The following TTLL3 variants were observed in gnomAD, a reference collection of about 807,000 sequenced individuals.
TTLL3 encodes the protein tubulin monoglycylase TTLL3.
In TTLL3, 63 loss-of-function variants were observed where a neutral mutation model predicts 75.2. The ratio of observed to expected loss-of-function variants is 0.84; its 90% CI spans 0.68 to 1.03. The LOEUF is 1.03. TTLL3 is among the 50% of genes least tolerant of loss of function. The pLI, the probability that TTLL3 is intolerant of heterozygous loss-of-function variation, is 0.00. For synonymous variants in TTLL3, 393 were observed against 418.5 expected (o/e 0.94, Z 0.74); for missense variants, 997 against 1,069.9 (o/e 0.93, Z 0.95).
At chr3:9,829,502 A>T (rs901090747) in intron 11 of TTLL3, 107 bp downstream of exon 11, 3 of 1,401,632 alleles carry the variant, frequency 2.1e-6, no homozygotes, top group East Asian at 4.9e-5. Context: ...TAAGACCCAG[A>T]TTCAAGTCCT....
intron 11 of TTLL3, among the ~76,000 whole-genome samples, chr3:9,831,300 A>G (rs2081508326): frequency 6.6e-6 from 1 of 151,992 alleles, no homozygotes; most frequent in African/African-American, 2.4e-5. Context: ...GATTTATCTG[A>G]TTGTTTCCTT....
chr3:9,818,455 G>A (rs528613206), intron 6 of TTLL3: 27 of 185,362 alleles, frequency 1.5e-4, no homozygotes, highest in South Asian at 2.3e-4. Context: ...TGCAAGCTCC[G>A]CCTCCCAGGT....
At chr3:9,814,622 TG>T (rs2079653879) in intron 4 of TTLL3, among the ~76,000 whole-genome samples, 1 of 151,946 alleles carries the variant, frequency 6.6e-6, no homozygotes, top group South Asian at 2.1e-4. Context: ...CACTCCAGCC[TG>T]GGCGACAGAG....
rs2081316163 is a variant in TTLL3, at chr3:9,829,250, T to A, written c.1538T>A (p.Ile513Asn). The A allele has an allele frequency of 6.2e-7, 1 of 1,614,178 alleles. No individual in the cohort carries two copies. Residue 513 changes from isoleucine (I) to asparagine (N), a missense_variant, in exon 11 of 14, where the codon ATC becomes AAC. Physicochemically the swap from Ile to Asn is moderately radical, Grantham distance 149. Coordinates refer to ENST00000685419, the MANE Select transcript of TTLL3 (RefSeq NM_001387446.1). ...GACTTCCAGCCCTGGCTGATTGAGA[T>A]CAACGCCAGCCCCACGATGGCACCC... ...GEDFQPWLIE[I>N]NASPTMAPST...
chr3:9,809,961 G>GGCGCGGGATCAGGGGCCCTGGGAGGGCGC (rs1327711980), upstream of TTLL3: 4 of 1,293,354 alleles, frequency 3.1e-6, no homozygotes, highest in African/African-American at 4.7e-5. Flanking sequence ...GACGCGGAGG[G>GGCGCGGGATCAGGGGCCCTGGGAGGGCGC]GCGCGGGATC....
intron 8 of TTLL3, among the ~76,000 whole-genome samples, chr3:9,822,947 T>C (rs535679530): frequency 3.3e-5 from 5 of 149,942 alleles, no homozygotes; most frequent in African/African-American, 1.2e-4. Context: ...TTCTCAACTT[T>C]TTAAAAAAAA....
intron 7 of TTLL3, chr3:9,819,465 G>A: frequency 2.0e-6 from 2 of 992,316 alleles, no homozygotes; most frequent in Non-Finnish European, 2.4e-6. Flanking sequence ...GGAGAGGGCA[G>A]ACTAAGAAGA....
Position 9,814,401 on chromosome 3 carries a change from T to C in TTLL3, c.315+1056T>C, listed in dbSNP as rs184246092. Among the ~76,000 whole-genome samples, 236 of 150,140 alleles carry C rather than the reference T, an allele frequency of 1.6e-3. 8 individuals are homozygous for C. Among genetic ancestry groups the C allele is most frequent in the East Asian group, 0.014 (69 of 4,980 alleles). ...TGGCTCACACCTGTAATCCCAGCAC[T>C]TTGGGAGGCCGAGGCTGATGGATCA... On this transcript the variant is annotated intron_variant, in intron 4 of 13. Coordinates refer to ENST00000685419, the MANE Select transcript of TTLL3 (RefSeq NM_001387446.1).
chr3:9,816,180 G>T lies in TTLL3; in HGVS notation c.422G>T (p.Arg141Leu). 7.4e-7 allele frequency: 1 copy of T among 1,354,286 alleles called. No homozygotes were observed. Among genetic ancestry groups the T allele is most frequent in the East Asian group, 4.6e-5 (1 of 21,510 alleles). The allele number at this position is 1,354,286 out of a possible 1,614,324, so 83.9% of individuals were successfully genotyped here. The change falls in exon 5 of 14, where the codon CGG (arginine) becomes CTG (leucine). Residue 141 changes from arginine to leucine, a missense_variant. Coordinates refer to ENST00000685419, the MANE Select transcript of TTLL3 (RefSeq NM_001387446.1). ...SKDQMINHYA[R>L]AGSFTTKVGL... is the part of the protein sequence containing the mutation. ...GATCAGATGATAAACCACTACGCCC[G>T]GGCTGGCTCCTTTACCACAAAGGTG...
rs1040001486 is a variant in TTLL3, at chr3:9,826,017, G to A, written c.1003+69G>A. ...GCATCTACCAGTAGAGGCCAAGGAA[G>A]TTAATAGTGCAGGTCTATTGAAGCC... On this transcript the variant is annotated intron_variant, in intron 9 of 13. Coordinates refer to ENST00000685419, the MANE Select transcript of TTLL3 (RefSeq NM_001387446.1). 6 of 1,572,168 alleles carry A rather than the reference G, an allele frequency of 3.8e-6. No homozygotes were observed. In the African/African-American group the frequency reaches 8.1e-5, roughly 21 times the overall value.
chr3:9,835,587 C>A lies in TTLL3; in HGVS notation c.*98C>A. On this transcript the variant is annotated 3_prime_UTR_variant, in exon 14 of 14. Coordinates refer to ENST00000685419, the MANE Select transcript of TTLL3 (RefSeq NM_001387446.1). ...AGGGACTCCCCCAGCATCTCCGATC[C>A]AGGGGTGGGGAGCGTGAGCCTTCAC... 1 of 1,239,916 alleles carries A rather than the reference C, an allele frequency of 8.1e-7. No individual in the cohort carries two copies. The highest frequency in any genetic ancestry group is 1.1e-6 in the Non-Finnish European group (1 of 900,614). 76.8% of individuals were successfully genotyped at this position (1,239,916 alleles called of 1,614,324 possible). A position where few individuals can be genotyped will look rare whatever the true frequency, so the allele number is the denominator to read the frequency against.
intron 11 of TTLL3, 89 bp downstream of exon 11, chr3:9,829,484 AC>A: frequency 6.8e-7 from 1 of 1,464,886 alleles, no homozygotes; most frequent in South Asian, 1.4e-5. Flanking sequence ...CTGCAGTCAG[AC>A]CCAGTTTAAG....
Position 9,817,730 on chromosome 3 carries a change from G to T in TTLL3, c.530G>T (p.Gly177Val). 1 of 1,614,130 alleles carries T rather than the reference G, an allele frequency of 6.2e-7. No individual in the cohort carries two copies. Among genetic ancestry groups the T allele is most frequent in the Non-Finnish European group, 8.5e-7 (1 of 1,180,022 alleles). The change falls in exon 6 of 14, where the codon GGG (glycine) becomes GTG (valine). Residue 177 changes from glycine (G) to valine (V), a missense_variant. Coordinates refer to ENST00000685419, the MANE Select transcript of TTLL3 (RefSeq NM_001387446.1). ...NSFFPRCYCL[G>V]AEDDKKAFIE... ...TTCTTCCCACGCTGCTACTGCCTGG[G>T]GGCTGAGGATGACAAAAAAGCCTTC...
chr3:9,826,339 A>AT (rs1261598854), intron 9 of TTLL3, among the ~76,000 whole-genome samples: 3 of 152,320 alleles, frequency 2.0e-5, no homozygotes, highest in Non-Finnish European at 4.4e-5. Context: ...AAGGAGATAC[A>AT]TTTTTTATTG....
chr3:9,810,818 T>G lies in TTLL3; in HGVS notation c.48+109T>G. On this transcript the variant is annotated intron_variant, in intron 2 of 13. Coordinates refer to ENST00000685419, the MANE Select transcript of TTLL3 (RefSeq NM_001387446.1). The surrounding 1 kb of genome is among the most constrained non-coding windows in gnomAD (Gnocchi z 4.4). ...AAAACAAAAGCAAAAGAAAAAACAATAGCAAAAATCCTCAACCACCACACC... is the reference window on the plus strand; with the variant it reads ...AAAACAAAAGCAAAAGAAAAAACAAGAGCAAAAATCCTCAACCACCACACC... 9.2e-7 allele frequency: 1 copy of G among 1,089,648 alleles called. No individual in the cohort carries two copies. The allele number at this position is 1,089,648 out of a possible 1,614,324, so 67.5% of individuals were successfully genotyped here.
Position 9,810,747 on chromosome 3 carries a change from G to A in TTLL3, c.48+38G>A. The A allele has an allele frequency of 6.4e-7, 1 of 1,553,822 alleles. No homozygotes were observed. The highest frequency in any genetic ancestry group is 8.7e-7 in the Non-Finnish European group (1 of 1,146,462). The stretch of plus-strand genomic sequence containing the variant: ...GCAGGGGCGCTTAGAAAGGGCCCTG[G>A]GAGCGGCTCAGCCTGTCTCCCTGCG... On this transcript the variant is annotated intron_variant, in intron 2 of 13. Transcript: ENST00000685419. This position sits in a 1 kb window ranked among gnomAD's most constrained non-coding sequence, Gnocchi z 4.4.
chr3:9,827,654 T>G, intron 10 of TTLL3: 1 of 234,018 alleles, frequency 4.3e-6, no homozygotes. Flanking sequence ...CCACCTTGGC[T>G]TCCCAAAGTG....
At chr3:9,820,983 C>A (rs1023075442) in intron 8 of TTLL3, 4 of 534,288 alleles carry the variant, frequency 7.5e-6, no homozygotes, top group African/African-American at 5.7e-5. Flanking sequence ...GCACATTACC[C>A]AAAGTGTGTG....
chr3:9,815,787 A>G (rs1559737231), intron 4 of TTLL3, among the ~76,000 whole-genome samples: 1 of 152,260 alleles, frequency 6.6e-6, no homozygotes. Flanking sequence ...GGGGCTGACA[A>G]GCCTCATAGG....
Sources: allele counts gnomAD v4.1 joint callset (sites outside exome capture counted in the v4.1 genomes callset), GRCh38; gene constraint gnomAD v4.1.1; non-coding constraint Gnocchi (gnomAD v3.1); transcripts MANE v1.5; gene names NCBI Gene and HGNC (gene_info 2026-07-23, HGNC 2026-07-21).